PLSCR5: variants seen among roughly 807,000 people sequenced by gnomAD.
The protein encoded by PLSCR5 is phospholipid scramblase family, member 5.
Under a neutral mutation model 33.6 loss-of-function variants are expected in PLSCR5, and 44 were observed. The ratio of observed to expected loss-of-function variants is 1.31; its 90% confidence interval spans 1.03 to 1.69. PLSCR5 has a LOEUF of 1.69. PLSCR5 is among the 40% of genes most tolerant of loss of function. The pLI is 0.00. For missense variants in PLSCR5, 375 were observed against 318.7 expected (o/e 1.18, Z -1.34); for synonymous variants, 148 against 112.3 (o/e 1.32, Z -2.01).
At chr3:146,577,313 G>A (rs928928641) in intron 7 of PLSCR5, among the ~76,000 whole-genome samples, 2 of 152,058 alleles carry the variant, frequency 1.3e-5, no homozygotes, top group African/African-American at 4.8e-5. Context: ...ATGACCTTGA[G>A]TCACCAAACT....
In PLSCR5 at chr3:146,595,074, T is replaced by C. The variant is rs1463051634; in HGVS notation, c.199A>G (p.Ile67Val). 4.9e-6 allele frequency: 7 copies of C among 1,432,808 alleles called. No homozygotes were observed. Among genetic ancestry groups the C allele is most frequent in the Non-Finnish European group, 6.5e-6 (7 of 1,078,340 alleles). 88.8% of individuals were successfully genotyped at this position (1,432,808 alleles called of 1,614,324 possible). A position where few individuals can be genotyped will look rare whatever the true frequency, so the allele number is the denominator to read the frequency against. Residue 67 changes from isoleucine to valine, a missense_variant, in exon 3 of 8, where the codon ATA becomes GTA. Ile to Val is a conservative substitution (Grantham distance 29). Transcript: ENST00000443512. ...GLEYLSQLDL[I>V]IIHQQVELLG... ...AGCTCCACCTGCTGGTGTATAATTATCAGGTCTAACTGTAAAGGATGACAT... is the reference window on the plus strand; with the variant it reads ...AGCTCCACCTGCTGGTGTATAATTACCAGGTCTAACTGTAAAGGATGACAT...
intron 4 of PLSCR5, among the ~76,000 whole-genome samples, chr3:146,592,372 T>C (rs142880926): frequency 7.2e-5 from 11 of 152,266 alleles, no homozygotes; most frequent in African/African-American, 2.4e-4. Flanking sequence ...CAAATGCTTC[T>C]TGCAGAGTTA....
chr3:146,580,035 T>A (rs1300672637), intron 7 of PLSCR5, among the ~76,000 whole-genome samples: 1 of 152,244 alleles, frequency 6.6e-6, no homozygotes, highest in Non-Finnish European at 1.5e-5. Context: ...ATTCAACTCA[T>A]GCGTTATTTG....
intron 3 of PLSCR5, among the ~76,000 whole-genome samples, chr3:146,594,571 A>G (rs2044742707): frequency 6.6e-6 from 1 of 152,064 alleles, no homozygotes; most frequent in Admixed American, 6.6e-5. Context: ...CAATTTTTAT[A>G]TATATTTAGG....
chr3:146,594,286 C>T (rs1174182118), intron 3 of PLSCR5, 146 bp from the exon 4 acceptor site: 2 of 635,172 alleles, frequency 3.1e-6, no homozygotes, highest in African/African-American at 1.8e-5. Context: ...TATTTCTATG[C>T]TCTAAATTTT....
At chr3:146,580,534 G>A (rs570560541) in intron 7 of PLSCR5, among the ~76,000 whole-genome samples, 2 of 135,342 alleles carry the variant, frequency 1.5e-5, no homozygotes, top group South Asian at 2.3e-4. Flanking sequence ...GTACGATTTC[G>A]GCTCACTGCA....
chr3:146,592,934 C>G (rs343281), intron 4 of PLSCR5, among the ~76,000 whole-genome samples: 2 of 151,898 alleles, frequency 1.3e-5, no homozygotes, highest in African/African-American at 4.8e-5. Context: ...GATGGAAATT[C>G]TTGGGCTCCA....
downstream of PLSCR5, among the ~76,000 whole-genome samples, chr3:146,582,834 G>A (rs2044641257): frequency 6.6e-6 from 1 of 152,124 alleles, no homozygotes; most frequent in South Asian, 2.1e-4. Context: ...AATTACTCCT[G>A]TAAATACCAT....
chr3:146,600,225 A>G, intron 2 of PLSCR5, 63 bp downstream of exon 2: 1 of 1,203,910 alleles, frequency 8.3e-7, no homozygotes, highest in East Asian at 3.1e-5. Flanking sequence ...GAAAAGCCAG[A>G]AAGAAAGTTT....
intron 7 of PLSCR5, among the ~76,000 whole-genome samples, chr3:146,579,265 G>A (rs1560104012): frequency 6.6e-6 from 1 of 151,788 alleles, no homozygotes; most frequent in Non-Finnish European, 1.5e-5. Flanking sequence ...GTATAGAAAG[G>A]AAAAAATGCT....
chr3:146,594,967 A>G (rs2044746409), intron 3 of PLSCR5, 74 bp downstream of exon 3: 1 of 869,008 alleles, frequency 1.2e-6, no homozygotes, highest in East Asian at 3.3e-5. Flanking sequence ...ACATATTTAG[A>G]TGCAAAGAAA....
chr3:146,600,199 T>G, intron 2 of PLSCR5, 89 bp downstream of exon 2: 3 of 1,033,280 alleles, frequency 2.9e-6, no homozygotes, highest in Non-Finnish European at 3.8e-6. Flanking sequence ...TTGGTTAAAT[T>G]CTTTCAACCT....
chr3:146,578,281 A>T (rs2044611519), intron 7 of PLSCR5, among the ~76,000 whole-genome samples: 2 of 152,098 alleles, frequency 1.3e-5, no homozygotes, highest in South Asian at 4.1e-4. Context: ...TGGCTACTTT[A>T]TCTATTATGT....
At chr3:146,590,813 C>T (rs2044707137) in intron 5 of PLSCR5, among the ~76,000 whole-genome samples, 1 of 151,916 alleles carries the variant, frequency 6.6e-6, no homozygotes, top group Non-Finnish European at 1.5e-5. Context: ...AATGCCCTTG[C>T]TGAGATATTT....
chr3:146,580,256 A>G (rs1211014168), intron 7 of PLSCR5, among the ~76,000 whole-genome samples: 3 of 152,094 alleles, frequency 2.0e-5, no homozygotes, highest in Non-Finnish European at 4.4e-5. Context: ...AATCCTTTAC[A>G]TTCCATATCT....
chr3:146,585,355 A>T (rs1359926450), downstream of PLSCR5, among the ~76,000 whole-genome samples: 1 of 152,072 alleles, frequency 6.6e-6, no homozygotes, highest in Non-Finnish European at 1.5e-5. Context: ...GTCTATTTAT[A>T]TGCTTATTTA....
chr3:146,599,910 TGCCATGG>T (rs1277286050), intron 2 of PLSCR5, among the ~76,000 whole-genome samples: 1 of 152,042 alleles, frequency 6.6e-6, no homozygotes, highest in African/African-American at 2.4e-5. Context: ...CTTATCCACA[TGCCATGG>T]GCTCCCAAAA....
chr3:146,591,265 G>A (rs1217835874), intron 5 of PLSCR5, among the ~76,000 whole-genome samples: 1 of 151,830 alleles, frequency 6.6e-6, no homozygotes. Flanking sequence ...GGAAATATTG[G>A]TTATCTTAAA....
In PLSCR5 at chr3:146,605,267, T is replaced by C. The variant is rs909971281; in HGVS notation, c.-55A>G. On this transcript the variant is annotated 5_prime_UTR_variant, in exon 1 of 8. Coordinates refer to ENST00000443512, the MANE Select transcript of PLSCR5 (RefSeq NM_001085420.2). Reference sequence around the variant, plus strand: ...TGCCAGGTTGGAAAACAAAGGCTTTTCTTGTTGCAGCAAGGAGAGAAAACG... The same window carrying C: ...TGCCAGGTTGGAAAACAAAGGCTTTCCTTGTTGCAGCAAGGAGAGAAAACG... 3.7e-6 allele frequency: 6 copies of C among 1,609,252 alleles called. No individual in the cohort carries two copies. In the South Asian group the frequency reaches 6.6e-5, roughly 18 times the overall value.
Sources: gnomAD v4.1 joint callset for allele counts (sites outside exome capture counted in the v4.1 genomes callset) on GRCh38, gnomAD v4.1.1 for gene constraint, MANE v1.5 for transcripts, NCBI Gene and HGNC (gene_info 2026-07-23, HGNC 2026-07-21) for gene names.